PCDH15: variants seen among roughly 807,000 people sequenced by gnomAD.
The protein encoded by PCDH15 is protocadherin related 15.
In PCDH15, 129 loss-of-function variants were observed where a neutral mutation model predicts 178.5. The observed-to-expected ratio is 0.72, with a 90% CI of 0.63 to 0.84. The LOEUF is 0.84. PCDH15 is among the 40% of genes least tolerant of loss of function. The pLI is 0.00. For synonymous variants in PCDH15, 800 were observed against 732.0 expected, an observed-to-expected ratio of 1.09 and a Z score of -1.50; for missense variants, 2,230 against 2,099.9, an observed-to-expected ratio of 1.06 and a Z score of -1.21.
intron 1 of PCDH15, among the ~76,000 whole-genome samples, chr10:54,778,871 G>A (rs1045940294): frequency 5.3e-5 from 8 of 151,940 alleles, no homozygotes; most frequent in African/African-American, 1.7e-4. Flanking sequence ...ATTAAGTTGA[G>A]GCATCAAAGA....
intron 3 of PCDH15, among the ~76,000 whole-genome samples, chr10:54,522,141 C>T (rs1156669337): frequency 7.8e-6 from 1 of 127,774 alleles, no homozygotes; most frequent in Non-Finnish European, 1.7e-5. Flanking sequence ...TGTGAACAAA[C>T]ATCTACACAC....
At chr10:55,421,784 C>A (rs11004843) in intron 2 of PCDH15, among the ~76,000 whole-genome samples, 1 of 151,208 alleles carries the variant, frequency 6.6e-6, no homozygotes, top group Non-Finnish European at 1.5e-5. Context: ...TATTTTCTGA[C>A]AAATATTCTA....
chr10:54,520,233 A>C (rs2082700187), intron 3 of PCDH15, among the ~76,000 whole-genome samples: 1 of 152,214 alleles, frequency 6.6e-6, no homozygotes, highest in Admixed American at 6.5e-5. Flanking sequence ...TAAACTAAAG[A>C]GCTTCTGCAA....
chr10:54,956,811 A>G (rs914817508), intron 2 of PCDH15, among the ~76,000 whole-genome samples: 2 of 151,710 alleles, frequency 1.3e-5, no homozygotes, highest in Non-Finnish European at 3.0e-5. Context: ...TATGGTTCAA[A>G]CCAATATTTA....
At chr10:54,295,505 A>G (rs931271656) in intron 8 of PCDH15, among the ~76,000 whole-genome samples, 5 of 152,196 alleles carry the variant, frequency 3.3e-5, no homozygotes, top group African/African-American at 1.2e-4. Context: ...ACCACCTTTA[A>G]GAGCTGTAAC....
intron 27 of PCDH15, among the ~76,000 whole-genome samples, chr10:53,859,041 TTC>T (rs2078938497): frequency 6.6e-6 from 1 of 151,918 alleles, no homozygotes; most frequent in African/African-American, 2.4e-5. Flanking sequence ...CCTCCTTTTT[TTC>T]TTTCTTTTAA....
intron 18 of PCDH15, among the ~76,000 whole-genome samples, chr10:54,064,670 A>G (rs1440482804): frequency 6.6e-6 from 1 of 152,176 alleles, no homozygotes; most frequent in Non-Finnish European, 1.5e-5. Context: ...GGGGGCTGGC[A>G]TGTCAGCACC....
At chr10:55,544,139 C>CATACATATATATAT (rs1200067998) in intron 2 of PCDH15, among the ~76,000 whole-genome samples, 13 of 54,314 alleles carry the variant, frequency 2.4e-4, no homozygotes, top group Admixed American at 6.8e-4. Flanking sequence ...CTTATACATA[C>CATACATATATATAT]ATATATATAT....
chr10:54,140,562 G>A (rs4450095), intron 14 of PCDH15, among the ~76,000 whole-genome samples: 38,840 of 151,374 alleles, frequency 0.26, 6,270 homozygotes, highest in East Asian at 0.87. Context: ...CCTGCCTCCC[G>A]GGTTCAAGTG....
intron 15 of PCDH15, among the ~76,000 whole-genome samples, chr10:54,105,109 C>G (rs559125136): frequency 1.1e-4 from 16 of 150,718 alleles, no homozygotes; most frequent in Middle Eastern, 3.5e-3. Flanking sequence ...TTGATCTAAT[C>G]ATATTAAACA....
intron 2 of PCDH15, among the ~76,000 whole-genome samples, chr10:54,658,660 A>G (rs968288137): frequency 2.6e-5 from 4 of 152,192 alleles, no homozygotes; most frequent in Non-Finnish European, 5.9e-5. Flanking sequence ...ATGCAAATGA[A>G]AGGACAATAC....
intron 2 of PCDH15, among the ~76,000 whole-genome samples, chr10:55,159,365 CTATCTATATA>C (rs1564848906): frequency 5.8e-5 from 1 of 17,274 alleles, no homozygotes; most frequent in African/African-American, 1.1e-4. Flanking sequence ...ATCTATCTAT[CTATCTATATA>C]TATATATATA....
chr10:54,169,945 C>T (rs1028927505), intron 13 of PCDH15, among the ~76,000 whole-genome samples: 3 of 150,886 alleles, frequency 2.0e-5, no homozygotes, highest in African/African-American at 7.4e-5. Context: ...CTGCCAAACC[C>T]ATATACTCTC....
chr10:54,123,632 A>G (rs2041746140), intron 15 of PCDH15, among the ~76,000 whole-genome samples: 1 of 152,170 alleles, frequency 6.6e-6, no homozygotes, highest in South Asian at 2.1e-4. Flanking sequence ...AAAGAACTAA[A>G]AATAGAACTA....
chr10:55,045,910 G>C (rs548377496), intron 2 of PCDH15, among the ~76,000 whole-genome samples: 1 of 152,054 alleles, frequency 6.6e-6, no homozygotes, highest in African/African-American at 2.4e-5. Context: ...GAAAAAAAAG[G>C]TAGAAATATA....
intron 2 of PCDH15, among the ~76,000 whole-genome samples, chr10:54,904,040 C>A (rs1017892035): frequency 6.6e-6 from 1 of 152,004 alleles, no homozygotes; most frequent in Non-Finnish European, 1.5e-5. Context: ...AGTTAGGATG[C>A]TGTCCTATTC....
intron 3 of PCDH15, among the ~76,000 whole-genome samples, chr10:54,853,460 C>CATATATAT (rs71888268): frequency 1.9e-4 from 27 of 140,512 alleles, no homozygotes; most frequent in African/African-American, 6.6e-4. Flanking sequence ...TATACACATA[C>CATATATAT]ATATATATAT....
At position 54,672,212 on chromosome 10, in the gene PCDH15, T is replaced by TATA. The variant is rs531733336; in HGVS notation, c.-28-7925_-28-7923dup. Reference sequence around the variant, plus strand: ...ATGGTGAGTTGTATGATTATATCATTATATATTATAATATAATAATAATAG... The same window carrying TATA: ...ATGGTGAGTTGTATGATTATATCATTATAATATATTATAATATAATAATAATAG... On this transcript the variant is annotated intron_variant, in intron 1 of 37. Transcript: ENST00000644397. Among the ~76,000 whole-genome samples the TATA allele has an allele frequency of 1.6e-3, 240 of 151,490 alleles. 4 individuals are homozygous for TATA. The highest frequency in any genetic ancestry group is 5.6e-3 in the African/African-American group (232 of 41,352).
intron 25 of PCDH15, among the ~76,000 whole-genome samples, chr10:53,919,373 T>C (rs899373938): frequency 7.2e-5 from 11 of 152,308 alleles, no homozygotes; most frequent in African/African-American, 2.4e-4. Flanking sequence ...CAAAATTCTG[T>C]TTTAATACAA....
Sources: allele counts gnomAD v4.1 joint callset (sites outside exome capture counted in the v4.1 genomes callset), GRCh38; gene constraint gnomAD v4.1.1; transcripts MANE v1.5; gene names NCBI Gene and HGNC (gene_info 2026-07-23, HGNC 2026-07-21).